Variants in CELSR3 observed in about 807,000 individuals in gnomAD.
The protein encoded by CELSR3 is cadherin EGF LAG seven-pass G-type receptor 3, also known as EGF-like protein 1.
CELSR3 carries 73 observed loss-of-function variants against 270.0 expected under a neutral mutation model. The ratio of observed to expected loss-of-function variants is 0.27; its 90% CI spans 0.22 to 0.33. The LOEUF is 0.33. Among genes scored for constraint, CELSR3 ranks in the 10% least tolerant of loss-of-function variants. The pLI, the probability that CELSR3 is intolerant of heterozygous loss-of-function variation, is 1.00. For missense variants in CELSR3, 3,614 were observed against 4,533.8 expected (o/e 0.80, Z 5.83); for synonymous variants, 1,780 against 1,905.4 (o/e 0.93, Z 1.71).
chr3:48,657,744 C>T lies in CELSR3; in HGVS notation c.3749-396G>A, dbSNP rs2077034500. The stretch of plus-strand genomic sequence containing the variant: ...AGAGAGGAGCTAGGGCCACTGGCCA[C>T]TCATTCCCAGCCACCTTTCCCTTCT... On this transcript the variant is annotated intron_variant, in intron 1 of 34. Coordinates refer to ENST00000164024, the MANE Select transcript of CELSR3 (RefSeq NM_001407.3). This position sits in a 1 kb window ranked among gnomAD's most constrained non-coding sequence, Gnocchi z 5.4. Among the ~76,000 whole-genome samples, 3 of 152,236 alleles carry T rather than the reference C, an allele frequency of 2.0e-5. No homozygotes were observed. Among genetic ancestry groups the T allele is most frequent in the Admixed American group, 2.0e-4 (3 of 15,282 alleles).
chr3:48,638,322 C>A, intron 34 of CELSR3, 90 bp from the exon 35 acceptor site: 1 of 907,436 alleles, frequency 1.1e-6, no homozygotes, highest in Non-Finnish European at 1.8e-6. Context: ...GGCCTGGCTG[C>A]TTCCCTTGCC....
chr3:48,640,592 G>A lies in CELSR3; in HGVS notation c.9026-33C>T, dbSNP rs771576097. The A allele has an allele frequency of 2.0e-6, 3 of 1,508,316 alleles. No individual in the cohort carries two copies. The highest frequency in any genetic ancestry group is 2.4e-5 in the East Asian group (1 of 41,020). 93.4% of individuals were successfully genotyped at this position (1,508,316 alleles called of 1,614,324 possible). On this transcript the variant is annotated intron_variant, in intron 33 of 34. Transcript: ENST00000164024. The surrounding 1 kb of genome is among the most constrained non-coding windows in gnomAD (Gnocchi z 7.5). ...AGGAAGAAAATGGGGGGCAGGGTTTGTGTGGGAGGGGGAGGGCAGGCAGGA... is the reference window on the plus strand; with the variant it reads ...AGGAAGAAAATGGGGGGCAGGGTTTATGTGGGAGGGGGAGGGCAGGCAGGA...
rs1161769010 is a variant in CELSR3, at chr3:48,661,611, T to C, written c.1024A>G (p.Thr342Ala). The change falls in exon 1 of 35, where the codon ACC (threonine) becomes GCC (alanine). Residue 342 changes from threonine (T) to alanine (A), a missense_variant. By Grantham distance (58) the Thr-to-Ala change is moderately conservative. Around this residue, in one of 7 missense-constraint regions of CELSR3, gnomAD observed 354 missense variants for 500.9 expected, o/e 0.71. Transcript: ENST00000164024. Reference protein sequence around the residue: ...TLVPENEAAGTAVLRVVAQDP... With the variant: ...TLVPENEAAGAAVLRVVAQDP... ...TGAGCAACCACGCGTAGCACCGCGG[T>C]GCCTGCTGCCTCATTCTCCGGCACC... is the stretch of plus-strand genomic sequence containing the variant. The C allele has an allele frequency of 1.2e-6, 2 of 1,607,554 alleles. No homozygotes were observed. The highest frequency in any genetic ancestry group is 1.7e-6 in the Non-Finnish European group (2 of 1,177,446).
In CELSR3 at chr3:48,653,394, G is replaced by A. The variant is rs138906205; in HGVS notation, c.5449-207C>T. Among the ~76,000 whole-genome samples the A allele has an allele frequency of 2.6e-5, 4 of 152,310 alleles. No individual in the cohort carries two copies. Among genetic ancestry groups the A allele is most frequent in the African/African-American group, 9.6e-5 (4 of 41,558 alleles). The stretch of plus-strand genomic sequence containing the variant: ...GAGGATAGGACCAGGTGTTGTGGGT[G>A]GGTTGGTGCAGCTTGCATAAGAGAG... On this transcript the variant is annotated intron_variant, in intron 9 of 34. Coordinates refer to ENST00000164024, the MANE Select transcript of CELSR3 (RefSeq NM_001407.3). The surrounding 1 kb of genome is among the most constrained non-coding windows in gnomAD (Gnocchi z 6.5).
At position 48,657,971 on chromosome 3, in the gene CELSR3, T is replaced by TACAC. The variant is rs566629528; in HGVS notation, c.3749-627_3749-624dup. Among the ~76,000 whole-genome samples, 98 of 149,918 alleles carry TACAC rather than the reference T, an allele frequency of 6.5e-4. No homozygotes were observed. Among genetic ancestry groups the TACAC allele is most frequent in the African/African-American group, 1.9e-3 (78 of 41,032 alleles). On this transcript the variant is annotated intron_variant, in intron 1 of 34. Coordinates refer to ENST00000164024, the MANE Select transcript of CELSR3 (RefSeq NM_001407.3). This position sits in a 1 kb window ranked among gnomAD's most constrained non-coding sequence, Gnocchi z 5.4. Reference sequence around the variant, plus strand: ...TCCAGGGGGGTCTTGAACCCTGACATACACACACACACACACACACCAGCA... The same window carrying TACAC: ...TCCAGGGGGGTCTTGAACCCTGACATACACACACACACACACACACACACCAGCA...
In CELSR3 at chr3:48,659,020, G is replaced by A. The variant is rs200825075; in HGVS notation, c.3615C>T (p.His1205=). 14 of 1,614,216 alleles carry A rather than the reference G, an allele frequency of 8.7e-6. No individual in the cohort carries two copies. Among genetic ancestry groups the A allele is most frequent in the Non-Finnish European group, 1.1e-5 (13 of 1,180,046 alleles). Residue 1205 remains histidine (H), a synonymous_variant, in exon 1 of 35, where the codon CAC becomes CAT. Coordinates refer to ENST00000164024, the MANE Select transcript of CELSR3 (RefSeq NM_001407.3). The surrounding 1 kb of genome is among the most constrained non-coding windows in gnomAD (Gnocchi z 8.1). The part of the protein sequence containing the change: ...IPAYDPDVSD[H]LFYSFERGNE... ...TGCCACGCTCAAAGGAGTAGAAGAGGTGGTCGGAGACATCGGGGTCATAAG... is the reference window on the plus strand; with the variant it reads ...TGCCACGCTCAAAGGAGTAGAAGAGATGGTCGGAGACATCGGGGTCATAAG...
At chr3:48,648,093 A>G (rs886486479) in intron 19 of CELSR3, 97 bp from the exon 20 acceptor site, 2 of 1,510,294 alleles carry the variant, frequency 1.3e-6, no homozygotes, top group South Asian at 2.4e-5. Context: ...TGAGTCCCAC[A>G]ATCTGTTTTC....
rs367808320 is a variant in CELSR3 at position 48,653,107 on chromosome 3, G to A, written c.5529C>T (p.Val1843=). The A allele has an allele frequency of 1.4e-5, 23 of 1,613,392 alleles. No homozygotes were observed. Among genetic ancestry groups the A allele is most frequent in the Non-Finnish European group, 1.9e-5 (22 of 1,179,998 alleles). The part of the protein sequence containing the change: ...ASHLLLDQVT[V]SDGRWHDLRL... ...GCAGATCGTGCCACCGGCCATCACT[G>A]ACAGTCACCTGGTCCAGAAGGAGAT... The change falls in exon 10 of 35, where the codon GTC becomes GTT. Residue 1843 remains valine, a synonymous_variant. Transcript: ENST00000164024. This position sits in a 1 kb window ranked among gnomAD's most constrained non-coding sequence, Gnocchi z 6.5.
Position 48,639,010 on chromosome 3 carries a change from C to T in CELSR3, c.9911+664G>A, listed in dbSNP as rs536439139. On this transcript the variant is annotated intron_variant, in intron 34 of 34. Transcript: ENST00000164024. The surrounding 1 kb of genome is among the most constrained non-coding windows in gnomAD (Gnocchi z 4.1). ...ACAAGAGACCTGGAAGCTCCTGGTT[C>T]CTCCCCACTCCCACCAGTCCCTCTC... Among the ~76,000 whole-genome samples, 59 of 151,842 alleles carry T rather than the reference C, an allele frequency of 3.9e-4. No homozygotes were observed. Among genetic ancestry groups the T allele is most frequent in the African/African-American group, 1.4e-3 (56 of 41,364 alleles).
Position 48,641,726 on chromosome 3 carries a change from G to A in CELSR3, c.8824+125C>T. The A allele has an allele frequency of 9.4e-7, 1 of 1,063,054 alleles. No individual in the cohort carries two copies. Among genetic ancestry groups the A allele is most frequent in the South Asian group, 1.7e-5 (1 of 58,264 alleles). The allele number at this position is 1,063,054 out of a possible 1,614,324, so 65.9% of individuals were successfully genotyped here. Reference sequence around the variant, plus strand: ...GAGGTGGACAGAGACTAAAAGTTGGGGAACCTGATGACTGAGGGGTCAGAA... The same window carrying A: ...GAGGTGGACAGAGACTAAAAGTTGGAGAACCTGATGACTGAGGGGTCAGAA... On this transcript the variant is annotated intron_variant, in intron 32 of 34. Coordinates refer to ENST00000164024, the MANE Select transcript of CELSR3 (RefSeq NM_001407.3). The surrounding 1 kb of genome is among the most constrained non-coding windows in gnomAD (Gnocchi z 4.8).
intron 34 of CELSR3, among the ~76,000 whole-genome samples, chr3:48,638,673 C>G (rs1159312679): frequency 6.6e-6 from 1 of 152,028 alleles, no homozygotes; most frequent in African/African-American, 2.4e-5. Flanking sequence ...AGCCTGGACC[C>G]CTGCTCAGTC....
rs757159775 is a variant in CELSR3 at position 48,643,626 on chromosome 3, G to A, written c.8217C>T (p.Leu2739=). The stretch of plus-strand genomic sequence containing the variant: ...TGTGGTTGACTGCCAGGAGCCCAAA[G>A]AGCCAGGAGGCACTGACCAGCAGAA... ...LLLLLVSASW[L]FGLLAVNHSI... is the part of the protein sequence containing the mutation. The change falls in exon 28 of 35, where the codon CTC becomes CTT. Residue 2739 remains leucine, a synonymous_variant. Coordinates refer to ENST00000164024, the MANE Select transcript of CELSR3 (RefSeq NM_001407.3). 1.9e-6 allele frequency: 3 copies of A among 1,551,436 alleles called. No homozygotes were observed. The African/African-American group carries it at 4.1e-5, about 21-fold the overall frequency.
chr3:48,659,769 C>T lies in CELSR3; in HGVS notation c.2866G>A (p.Asp956Asn). Residue 956 changes from aspartate (D) to asparagine (N), a missense_variant, in exon 1 of 35, where the codon GAC becomes AAC. Transcript: ENST00000164024. The surrounding 1 kb of genome is among the most constrained non-coding windows in gnomAD (Gnocchi z 8.1). Reference sequence around the variant, plus strand: ...GAGGCCACAAATTGTGGAGCATTGTCATTCACGTCATTGACCATCACCTCC... The same window carrying T: ...GAGGCCACAAATTGTGGAGCATTGTTATTCACGTCATTGACCATCACCTCC... ...YVEVMVNDVN[D>N]NAPQFVASHY... The T allele has an allele frequency of 3.7e-6, 6 of 1,614,248 alleles. No homozygotes were observed. The highest frequency in any genetic ancestry group is 5.1e-6 in the Non-Finnish European group (6 of 1,180,050).
Position 48,652,645 on chromosome 3 carries a change from T to G in CELSR3, c.5635-92A>C. On this transcript the variant is annotated intron_variant, in intron 10 of 34. Coordinates refer to ENST00000164024, the MANE Select transcript of CELSR3 (RefSeq NM_001407.3). This position sits in a 1 kb window ranked among gnomAD's most constrained non-coding sequence, Gnocchi z 4.3. ...TCAGTCTTGGCCTTCTTCTAGCCCT[T>G]CTAGGCTGCCCCCTCCCTCCTGGAC... 1 of 984,684 alleles carries G rather than the reference T, an allele frequency of 1.0e-6. No individual in the cohort carries two copies. Among genetic ancestry groups the G allele is most frequent in the African/African-American group, 1.6e-5 (1 of 61,586 alleles). 61.0% of individuals were successfully genotyped at this position (984,684 alleles called of 1,614,324 possible). A position where few individuals can be genotyped will look rare whatever the true frequency, so the allele number is the denominator to read the frequency against.
chr3:48,640,126 C>T lies in CELSR3; in HGVS notation c.9459G>A (p.Leu3153=), dbSNP rs758100381. ...ALDLGAPREW[L]STLPPPRRTR... ...TGCGGCGGGGCGGAGGCAGCGTGCTCAACCACTCTCGAGGTGCCCCTAAGT... is the reference window on the plus strand; with the variant it reads ...TGCGGCGGGGCGGAGGCAGCGTGCTTAACCACTCTCGAGGTGCCCCTAAGT... Residue 3153 remains leucine (L), a synonymous_variant, in exon 34 of 35, where the codon TTG becomes TTA. Transcript: ENST00000164024. The surrounding 1 kb of genome is among the most constrained non-coding windows in gnomAD (Gnocchi z 7.5). 6.2e-7 allele frequency: 1 copy of T among 1,612,180 alleles called. No individual in the cohort carries two copies. Among genetic ancestry groups the T allele is most frequent in the Admixed American group, 1.7e-5 (1 of 60,006 alleles).
In CELSR3 at chr3:48,657,792, C is replaced by G. The variant is rs2077034568; in HGVS notation, c.3749-444G>C. 6.6e-6 allele frequency among the ~76,000 whole-genome samples: 1 copy of G among 152,202 alleles called. No individual in the cohort carries two copies. The highest frequency in any genetic ancestry group is 6.5e-5 in the Admixed American group (1 of 15,282). On this transcript the variant is annotated intron_variant, in intron 1 of 34. Coordinates refer to ENST00000164024, the MANE Select transcript of CELSR3 (RefSeq NM_001407.3). The surrounding 1 kb of genome is among the most constrained non-coding windows in gnomAD (Gnocchi z 5.4). The stretch of plus-strand genomic sequence containing the variant: ...TCTCCCCTCCTCCAGCATAGCAGAA[C>G]CAGCAAAACATCCCCCTCCAGAAAA...
Position 48,652,128 on chromosome 3 carries a change from C to A in CELSR3, c.5752-80G>T. The A allele has an allele frequency of 7.4e-7, 1 of 1,351,550 alleles. No homozygotes were observed. Among genetic ancestry groups the A allele is most frequent in the South Asian group, 1.5e-5 (1 of 66,252 alleles). 83.7% of individuals were successfully genotyped at this position (1,351,550 alleles called of 1,614,324 possible). A position where few individuals can be genotyped will look rare whatever the true frequency, so the allele number is the denominator to read the frequency against. On this transcript the variant is annotated intron_variant, in intron 11 of 34. Coordinates refer to ENST00000164024, the MANE Select transcript of CELSR3 (RefSeq NM_001407.3). The surrounding 1 kb of genome is among the most constrained non-coding windows in gnomAD (Gnocchi z 4.3). ...AGTACTGCAGAGCCAGCCACCCGGT[C>A]TGATGATCCTTGACATGCAGTCTTC... is the stretch of plus-strand genomic sequence containing the variant.
rs2047130267 is a variant in CELSR3, at chr3:48,650,807, C to T, written c.6370+85G>A. The T allele has an allele frequency of 2.1e-6, 3 of 1,448,788 alleles. No individual in the cohort carries two copies. The highest frequency in any genetic ancestry group is 1.4e-5 in the African/African-American group (1 of 70,822). 89.7% of individuals were successfully genotyped at this position (1,448,788 alleles called of 1,614,324 possible). On this transcript the variant is annotated intron_variant, in intron 15 of 34. Transcript: ENST00000164024. The surrounding 1 kb of genome is among the most constrained non-coding windows in gnomAD (Gnocchi z 5.1). ...CCTCAGGAGAAGCTTCCAGAGTCCC[C>T]AAGGAGCCATGTGTGCCACTGACAC...
In CELSR3 at chr3:48,655,947, A is replaced by C; in HGVS notation, c.4626-96T>G. ...CCTGCGAGGAGAAGGGGCTGGGGCG[A>C]GAGAGGAAGCGACGAGGGACGGCGG... On this transcript the variant is annotated intron_variant, in intron 3 of 34. Transcript: ENST00000164024. The surrounding 1 kb of genome is among the most constrained non-coding windows in gnomAD (Gnocchi z 5.8). 8.3e-7 allele frequency: 1 copy of C among 1,207,454 alleles called. No homozygotes were observed. Among genetic ancestry groups the C allele is most frequent in the East Asian group, 2.6e-5 (1 of 39,124 alleles). 74.8% of individuals were successfully genotyped at this position (1,207,454 alleles called of 1,614,324 possible). A position where few individuals can be genotyped will look rare whatever the true frequency, so the allele number is the denominator to read the frequency against.
Sources: allele counts gnomAD v4.1 joint callset (sites outside exome capture counted in the v4.1 genomes callset), GRCh38; gene constraint gnomAD v4.1.1; regional missense constraint gnomAD v4.1.1; non-coding constraint Gnocchi (gnomAD v3.1); transcripts MANE v1.5; gene names NCBI Gene and HGNC (gene_info 2026-07-23, HGNC 2026-07-21).